The following RNF38 variants were observed in gnomAD, a reference collection of about 807,000 sequenced individuals.
The protein encoded by RNF38 is E3 ubiquitin-protein ligase RNF38.
A neutral mutation model predicts 67.2 loss-of-function variants in RNF38; 15 were observed. That is an observed-to-expected ratio of 0.22 (90% confidence interval 0.15 to 0.34). The LOEUF is 0.34. Ranked by LOEUF, RNF38 falls within the 10% of genes least tolerant of loss-of-function variation. The pLI is 1.00. For synonymous variants in RNF38, 220 were observed against 218.8 expected (o/e 1.01, Z -0.05); for missense variants, 524 against 639.9 (o/e 0.82, Z 1.95).
intron 2 of RNF38, among the ~76,000 whole-genome samples, chr9:36,410,413 G>T (rs992794015): frequency 1.3e-5 from 2 of 152,196 alleles, no homozygotes; most frequent in African/African-American, 4.8e-5. Context: ...TGCAACCTCT[G>T]CCTCCTGGGT....
intron 1 of RNF38, among the ~76,000 whole-genome samples, chr9:36,481,705 A>G (rs1184328119): frequency 6.6e-6 from 1 of 152,188 alleles, no homozygotes. Flanking sequence ...GAGCCCCCAG[A>G]ACAGCATTCA....
At chr9:36,487,646 C>CGGCGACGGA, upstream of RNF38, 3 of 913,876 alleles carry the variant, frequency 3.3e-6, no homozygotes, top group Non-Finnish European at 3.9e-6. Flanking sequence ...GCAGCGGTGG[C>CGGCGACGGA]GGCGACGGAG....
intron 9 of RNF38, among the ~76,000 whole-genome samples, chr9:36,350,802 G>C (rs1330160703): frequency 6.6e-6 from 1 of 152,196 alleles, no homozygotes; most frequent in Non-Finnish European, 1.5e-5. Flanking sequence ...AATCCACAAA[G>C]TGTTTACCTA....
chr9:36,371,677 CCT>C (rs1192986968), intron 3 of RNF38, among the ~76,000 whole-genome samples: 3 of 152,062 alleles, frequency 2.0e-5, no homozygotes, highest in Non-Finnish European at 4.4e-5. Context: ...GTCTCGAACT[CCT>C]GACCTCAGGT....
intron 2 of RNF38, among the ~76,000 whole-genome samples, chr9:36,383,891 C>G (rs1174565983): frequency 6.6e-6 from 1 of 151,560 alleles, no homozygotes; most frequent in African/African-American, 2.4e-5. Context: ...AGTAGTATAA[C>G]GTATTGCAAT....
At chr9:36,436,815 C>CCGT in intron 1 of RNF38, among the ~76,000 whole-genome samples, 1 of 90,658 alleles carries the variant, frequency 1.1e-5, no homozygotes, top group Admixed American at 1.2e-4. Context: ...GAGCGAGACT[C>CCGT]CTCAAAAAAA....
Position 36,480,861 on chromosome 9 carries a change from T to C in RNF38, n.241+6447A>G, listed in dbSNP as rs942472012. ...CGCCACGCCCGGCCCCTTCCATGTATATATTTGGTCCTCTTACTACTACTT... is the reference window on the plus strand; with the variant it reads ...CGCCACGCCCGGCCCCTTCCATGTACATATTTGGTCCTCTTACTACTACTT... On this transcript the variant is annotated intron_variant and non_coding_transcript_variant, in intron 1 of 3. Transcript: ENST00000488058. Among the ~76,000 whole-genome samples the C allele has an allele frequency of 3.9e-5, 6 of 151,956 alleles. No homozygotes were observed. The South Asian group carries it at 6.2e-4, about 16-fold the overall frequency.
At chr9:36,368,669 C>T (rs1835149301) in intron 4 of RNF38, among the ~76,000 whole-genome samples, 1 of 152,058 alleles carries the variant, frequency 6.6e-6, no homozygotes, top group African/African-American at 2.4e-5. Context: ...GTTTCATGAA[C>T]ATAATAAAAA....
intron 2 of RNF38, among the ~76,000 whole-genome samples, chr9:36,382,020 G>C (rs1344955736): frequency 6.6e-6 from 1 of 152,232 alleles, no homozygotes; most frequent in Admixed American, 6.5e-5. Context: ...AGAAAGTCTG[G>C]ACCAGAGGTC....
chr9:36,358,723 A>T (rs1301495161), intron 4 of RNF38, among the ~76,000 whole-genome samples: 2 of 152,200 alleles, frequency 1.3e-5, no homozygotes, highest in Non-Finnish European at 2.9e-5. Context: ...ATATGATATT[A>T]GTTTGGCCAG....
intron 1 of RNF38, among the ~76,000 whole-genome samples, chr9:36,452,328 C>G (rs1010909472): frequency 3.9e-5 from 6 of 152,132 alleles, no homozygotes. Context: ...CAAAAAGAAA[C>G]CCTGTATCCA....
At chr9:36,477,439 G>C (rs1046273565) in intron 1 of RNF38, among the ~76,000 whole-genome samples, 7 of 152,084 alleles carry the variant, frequency 4.6e-5, no homozygotes, top group Non-Finnish European at 1.0e-4. Flanking sequence ...ACTTTAGGAG[G>C]CCAAGGTGGG....
intron 1 of RNF38, among the ~76,000 whole-genome samples, chr9:36,425,612 T>C (rs1838748741): frequency 1.3e-5 from 2 of 151,814 alleles, no homozygotes; most frequent in Non-Finnish European, 2.9e-5. Context: ...GAGAATCACT[T>C]AAACCCGGGA....
At chr9:36,378,169 C>CA (rs1835917629) in intron 2 of RNF38, among the ~76,000 whole-genome samples, 2 of 114,880 alleles carry the variant, frequency 1.7e-5, no homozygotes, top group African/African-American at 6.8e-5. Context: ...TTAACACTGA[C>CA]TTTTTTTTTT....
At chr9:36,453,477 G>T (rs1189223767) in intron 1 of RNF38, among the ~76,000 whole-genome samples, 2 of 151,792 alleles carry the variant, frequency 1.3e-5, no homozygotes, top group African/African-American at 4.8e-5. Context: ...CCACCTCCTG[G>T]GTTCAAGCAA....
At chr9:36,383,876 A>G (rs1310973734) in intron 2 of RNF38, among the ~76,000 whole-genome samples, 4 of 151,920 alleles carry the variant, frequency 2.6e-5, no homozygotes, top group Non-Finnish European at 5.9e-5. Context: ...TCAGAAAGGC[A>G]CTCTAGTAGT....
chr9:36,352,627 A>T, intron 8 of RNF38, 115 bp downstream of exon 8: 2 of 810,228 alleles, frequency 2.5e-6, no homozygotes, highest in Non-Finnish European at 4.2e-6. Context: ...CTTTAACATT[A>T]AGTAAAGACA....
At chr9:36,414,322 T>A (rs1169675924) in intron 2 of RNF38, among the ~76,000 whole-genome samples, 1 of 152,182 alleles carries the variant, frequency 6.6e-6, no homozygotes, top group Admixed American at 6.5e-5. Flanking sequence ...TTTCCTTGTG[T>A]TATTGTTTTA....
chr9:36,377,538 A>G (rs1835879765), intron 2 of RNF38, among the ~76,000 whole-genome samples: 2 of 152,162 alleles, frequency 1.3e-5, no homozygotes, highest in African/African-American at 4.8e-5. Context: ...TATTATCATT[A>G]TAATTAAAAT....
Sources: gnomAD v4.1 joint callset for allele counts (sites outside exome capture counted in the v4.1 genomes callset) on GRCh38, gnomAD v4.1.1 for gene constraint, MANE v1.5 for transcripts, NCBI Gene and HGNC (gene_info 2026-07-23, HGNC 2026-07-21) for gene names.